The following SFMBT2 variants were observed in gnomAD, a reference collection of about 807,000 sequenced individuals.
The protein encoded by SFMBT2 is scm-like with four MBT domains protein 2.
In SFMBT2, 38 loss-of-function variants were observed where a neutral mutation model predicts 110.1. The observed-to-expected ratio is 0.35, with a 90% CI of 0.27 to 0.45. SFMBT2 has a LOEUF of 0.45. Ranked by LOEUF, SFMBT2 falls within the 20% of genes least tolerant of loss-of-function variation. The probability of loss-of-function intolerance (pLI) is 1.00; values close to 1 mark genes in which losing one functional copy is unlikely to be tolerated. For synonymous variants in SFMBT2, 425 were observed against 425.4 expected (o/e 1.00, Z 0.01); for missense variants, 1,011 against 1,094.9 (o/e 0.92, Z 1.08).
intron 13 of SFMBT2, among the ~76,000 whole-genome samples, chr10:7,201,425 A>G (rs1268020627): frequency 6.6e-6 from 1 of 152,180 alleles, no homozygotes; most frequent in Non-Finnish European, 1.5e-5. Flanking sequence ...TCAAGTTTGG[A>G]TTCGGTCACA....
chr10:7,357,045 G>A (rs1844540999), intron 4 of SFMBT2, among the ~76,000 whole-genome samples: 2 of 152,172 alleles, frequency 1.3e-5, no homozygotes, highest in African/African-American at 2.4e-5. Flanking sequence ...ATTCCTACCA[G>A]AGCTTTCTGT....
intron 16 of SFMBT2, among the ~76,000 whole-genome samples, chr10:7,187,685 G>GT (rs1030271194): frequency 1.7e-4 from 26 of 152,210 alleles, no homozygotes; most frequent in African/African-American, 6.3e-4. Flanking sequence ...TTCAGTCACA[G>GT]TACTAGTATA....
chr10:7,264,003 A>G (rs1190742739), intron 7 of SFMBT2: 1 of 238,210 alleles, frequency 4.2e-6, no homozygotes, highest in East Asian at 1.8e-4. Flanking sequence ...ATTGAAAGCT[A>G]AGAAAACACT....
rs1454454661 is a variant in SFMBT2, at chr10:7,200,461, T to G, written c.1511A>C (p.Lys504Thr). Residue 504 changes from lysine (K) to threonine (T), a missense_variant, in exon 14 of 21, where the codon AAG becomes ACG. By Grantham distance (78) the Lys-to-Thr change is moderately conservative. Coordinates refer to ENST00000397167, the MANE Select transcript of SFMBT2 (RefSeq NM_001387889.1). ...TAAACAAAGGTCATGAGGTATTTTC[T>G]TAACAGGCACTGTGGGCGGCAATCT... ...EKQLPPTVPV[K>T]KIPHDLCLFP... The G allele has an allele frequency of 6.2e-7, 1 of 1,602,366 alleles. No individual in the cohort carries two copies. Among genetic ancestry groups the G allele is most frequent in the East Asian group, 2.3e-5 (1 of 44,114 alleles).
At chr10:7,254,032 C>T (rs1358814621) in intron 7 of SFMBT2, among the ~76,000 whole-genome samples, 3 of 152,160 alleles carry the variant, frequency 2.0e-5, no homozygotes. Context: ...TATTTTCTGA[C>T]GGGGTTTGCC....
chr10:7,312,703 A>G (rs568189367), intron 4 of SFMBT2, among the ~76,000 whole-genome samples: 1 of 152,248 alleles, frequency 6.6e-6, no homozygotes, highest in Non-Finnish European at 1.5e-5. Flanking sequence ...TATAGCTATT[A>G]GTGATCTTCC....
At chr10:7,184,763 C>T (rs780953268) in intron 16 of SFMBT2, among the ~76,000 whole-genome samples, 3 of 151,976 alleles carry the variant, frequency 2.0e-5, no homozygotes, top group African/African-American at 7.3e-5. Context: ...GGTGTGGGAG[C>T]GGAGGACGAG....
At chr10:7,185,527 CCA>C (rs1475285058) in intron 16 of SFMBT2, among the ~76,000 whole-genome samples, 1 of 152,212 alleles carries the variant, frequency 6.6e-6, no homozygotes, top group Non-Finnish European at 1.5e-5. Context: ...CACAACATTT[CCA>C]CAGAGCTGAG....
intron 4 of SFMBT2, among the ~76,000 whole-genome samples, chr10:7,347,034 T>C (rs928521249): frequency 4.7e-5 from 7 of 147,890 alleles, no homozygotes; most frequent in African/African-American, 1.5e-4. Flanking sequence ...CAAAAATGTG[T>C]AGCTAAATGA....
At chr10:7,180,255 A>C (rs1262249554) in intron 16 of SFMBT2, among the ~76,000 whole-genome samples, 2 of 151,428 alleles carry the variant, frequency 1.3e-5, no homozygotes, top group East Asian at 3.9e-4. Flanking sequence ...CTCCTGAGTC[A>C]CTGGGAATAC....
chr10:7,321,476 C>G (rs1172260498), intron 4 of SFMBT2, among the ~76,000 whole-genome samples: 1 of 152,112 alleles, frequency 6.6e-6, no homozygotes, highest in East Asian at 1.9e-4. Flanking sequence ...GCTGGGATTA[C>G]AGGCGTGAGC....
At chr10:7,334,090 A>G (rs1428394289) in intron 4 of SFMBT2, among the ~76,000 whole-genome samples, 1 of 152,144 alleles carries the variant, frequency 6.6e-6, no homozygotes, top group African/African-American at 2.4e-5. Flanking sequence ...TGCCTCCGAC[A>G]ACAGGGAGTT....
chr10:7,177,784 G>A (rs1248498642), intron 16 of SFMBT2, among the ~76,000 whole-genome samples: 1 of 152,062 alleles, frequency 6.6e-6, no homozygotes, highest in African/African-American at 2.4e-5. Flanking sequence ...CTTGAGCACA[G>A]GCGGTCAAGG....
intron 15 of SFMBT2, among the ~76,000 whole-genome samples, chr10:7,195,849 C>T (rs146818819): frequency 3.9e-4 from 59 of 152,312 alleles, no homozygotes; most frequent in African/African-American, 1.1e-3. Context: ...ATCGACTGGA[C>T]GCTCATGTGG....
rs61731138 is a variant in SFMBT2, at chr10:7,283,939, C to A, written c.737G>T (p.Cys246Phe). ...LDYRLRPVGW[C>F]QENKYRMDPP... ...GTCCATTCTGTATTTATTCTCTTGACACCAACCAACTGGTCGAAGTCTGTA... is the reference window on the plus strand; with the variant it reads ...GTCCATTCTGTATTTATTCTCTTGAAACCAACCAACTGGTCGAAGTCTGTA... The change falls in exon 6 of 21, where the codon TGT becomes TTT. Residue 246 changes from cysteine to phenylalanine, a missense_variant. Cys to Phe is a radical substitution (Grantham distance 205). Coordinates refer to ENST00000397167, the MANE Select transcript of SFMBT2 (RefSeq NM_001387889.1). The A allele has an allele frequency of 5.2e-5, 83 of 1,603,520 alleles. No individual in the cohort carries two copies. The African/African-American group carries it at 1.1e-3, about 20-fold the overall frequency.
At chr10:7,249,896 A>G (rs532031942) in intron 7 of SFMBT2, among the ~76,000 whole-genome samples, 1 of 152,342 alleles carries the variant, frequency 6.6e-6, no homozygotes, top group East Asian at 1.9e-4. Context: ...TGCATGATGA[A>G]TGCTGGGGCC....
intron 20 of SFMBT2, chr10:7,164,330 G>A: frequency 1.3e-6 from 1 of 781,414 alleles, no homozygotes; most frequent in Non-Finnish European, 1.6e-6. Context: ...AGGTTGCAGT[G>A]AGCTGTGATC....
intron 4 of SFMBT2, among the ~76,000 whole-genome samples, chr10:7,353,309 ATT>A (rs1236556018): frequency 6.6e-6 from 1 of 152,164 alleles, no homozygotes; most frequent in Non-Finnish European, 1.5e-5. Context: ...GCCAGTAGCC[ATT>A]TTTACCCATC....
At chr10:7,404,098 TA>T (rs1846151977) in intron 1 of SFMBT2, among the ~76,000 whole-genome samples, 1 of 152,202 alleles carries the variant, frequency 6.6e-6, no homozygotes, top group African/African-American at 2.4e-5. Context: ...TATGTATCCA[TA>T]AAAGCTTCTT....
Sources: allele counts gnomAD v4.1 joint callset (sites outside exome capture counted in the v4.1 genomes callset), GRCh38; gene constraint gnomAD v4.1.1; transcripts MANE v1.5; gene names NCBI Gene and HGNC (gene_info 2026-07-23, HGNC 2026-07-21).